Variants in COL23A1 observed in about 807,000 individuals in gnomAD.
COL23A1 encodes collagen alpha-1(XXIII) chain.
COL23A1 carries 97 observed loss-of-function variants against 99.3 expected under a neutral mutation model. The observed-to-expected ratio is 0.98, with a 90% confidence interval of 0.83 to 1.16. COL23A1 has a LOEUF of 1.16. COL23A1 is among the 50% of genes most tolerant of loss of function. The pLI is 0.00. For synonymous variants in COL23A1, 320 were observed against 308.2 expected (o/e 1.04, Z -0.40); for missense variants, 762 against 757.4 (o/e 1.01, Z -0.07).
chr5:178,334,410 G>A (rs35865625), intron 2 of COL23A1, among the ~76,000 whole-genome samples: 72,377 of 152,142 alleles, frequency 0.48, 18,125 homozygotes, highest in East Asian at 0.81. Flanking sequence ...GCAGGAAGGG[G>A]GCCACCGGGC....
At chr5:178,345,982 G>A (rs1760946824) in intron 2 of COL23A1, among the ~76,000 whole-genome samples, 2 of 152,022 alleles carry the variant, frequency 1.3e-5, no homozygotes, top group African/African-American at 4.8e-5. Context: ...TTTTCATCCT[G>A]TTAGGACTCA....
intron 3 of COL23A1, among the ~76,000 whole-genome samples, chr5:178,291,304 G>A (rs1036917338): frequency 2.0e-5 from 3 of 152,198 alleles, no homozygotes; most frequent in African/African-American, 4.8e-5. Context: ...GGTAACTAAC[G>A]GGACCAGTAG....
intron 2 of COL23A1, among the ~76,000 whole-genome samples, chr5:178,517,940 A>G (rs1245621906): frequency 8.5e-6 from 1 of 117,472 alleles, no homozygotes; most frequent in Admixed American, 9.0e-5. Context: ...GGTGTTTCTC[A>G]CAGAGGGGGA....
intron 2 of COL23A1, among the ~76,000 whole-genome samples, chr5:178,349,660 G>C (rs1479474221): frequency 6.6e-6 from 1 of 151,870 alleles, no homozygotes; most frequent in African/African-American, 2.4e-5. Context: ...TGTCTCCCTT[G>C]GGGGGAGCCC....
At chr5:178,424,542 G>A (rs1326837188) in intron 2 of COL23A1, among the ~76,000 whole-genome samples, 1 of 152,226 alleles carries the variant, frequency 6.6e-6, no homozygotes, top group African/African-American at 2.4e-5. Context: ...GCTGAACAAA[G>A]AGGGAGGCAG....
At chr5:178,517,891 T>A (rs1759637001) in intron 2 of COL23A1, among the ~76,000 whole-genome samples, 8 of 126,634 alleles carry the variant, frequency 6.3e-5, no homozygotes, top group Non-Finnish European at 1.2e-4. Context: ...TTTTTTTTTT[T>A]TTTTTTTTTT....
At chr5:178,351,746 C>G (rs1356592463) in intron 2 of COL23A1, among the ~76,000 whole-genome samples, 1 of 149,998 alleles carries the variant, frequency 6.7e-6, no homozygotes, top group Non-Finnish European at 1.5e-5. Flanking sequence ...ACTAATTGTG[C>G]CCCCCCAGTT....
At chr5:178,371,936 T>C (rs1028040682) in intron 2 of COL23A1, among the ~76,000 whole-genome samples, 9 of 152,224 alleles carry the variant, frequency 5.9e-5, no homozygotes, top group Non-Finnish European at 1.3e-4. Flanking sequence ...AAGAAGGATT[T>C]TAGAAAAGAA....
chr5:178,516,132 C>A (rs1759496060), intron 2 of COL23A1, among the ~76,000 whole-genome samples: 2 of 152,248 alleles, frequency 1.3e-5, no homozygotes, highest in African/African-American at 2.4e-5. Context: ...TCCTCGTCCT[C>A]ATTTCCACCA....
Position 178,345,692 on chromosome 5 carries a change from A to ATT in COL23A1, c.362-38775_362-38774dup, listed in dbSNP as rs760731290. ...CCACCACGCCCGGCTAATTTTTTGTATTTTTTTTTTTTTCAGTAGAGACAG... is the reference window on the plus strand; with the variant it reads ...CCACCACGCCCGGCTAATTTTTTGTATTTTTTTTTTTTTTTCAGTAGAGACAG... On this transcript the variant is annotated intron_variant, in intron 2 of 28. Transcript: ENST00000390654. Among the ~76,000 whole-genome samples, 813 of 133,680 alleles carry ATT rather than the reference A, an allele frequency of 6.1e-3. 4 individuals are homozygous for ATT. Among genetic ancestry groups the ATT allele is most frequent in the African/African-American group, 0.021 (778 of 36,248 alleles). The allele number at this position is 133,680 out of a possible 152,430, so 87.7% of individuals were successfully genotyped here. A position where few individuals can be genotyped will look rare whatever the true frequency, so the allele number is the denominator to read the frequency against.
At chr5:178,528,339 C>G (rs1038168095) in intron 2 of COL23A1, among the ~76,000 whole-genome samples, 3 of 152,194 alleles carry the variant, frequency 2.0e-5, no homozygotes, top group South Asian at 2.1e-4. Context: ...TCCGCTGCCC[C>G]CTTTTCTGCT....
chr5:178,452,621 T>C (rs7725796), intron 2 of COL23A1, among the ~76,000 whole-genome samples: 69,883 of 151,908 alleles, frequency 0.46, 18,271 homozygotes, highest in African/African-American at 0.72. Context: ...ACATAAGGAG[T>C]GCCGACAAAT....
chr5:178,561,344 G>A (rs1046813915), intron 1 of COL23A1, among the ~76,000 whole-genome samples: 1 of 152,164 alleles, frequency 6.6e-6, no homozygotes, highest in Non-Finnish European at 1.5e-5. Flanking sequence ...ATTTGGTTCG[G>A]TAAAATTTAA....
At chr5:178,570,074 GC>G (rs1386951219) in intron 1 of COL23A1, among the ~76,000 whole-genome samples, 2 of 151,602 alleles carry the variant, frequency 1.3e-5, no homozygotes, top group Non-Finnish European at 2.9e-5. Flanking sequence ...TTAGAACTCT[GC>G]CTGTCAGAGT....
intron 2 of COL23A1, among the ~76,000 whole-genome samples, chr5:178,343,179 G>A (rs1360038941): frequency 6.6e-6 from 1 of 152,204 alleles, no homozygotes; most frequent in Non-Finnish European, 1.5e-5. Context: ...CTCAGGACCA[G>A]CACATGGTTC....
At chr5:178,397,033 C>T (rs886314104) in intron 2 of COL23A1, among the ~76,000 whole-genome samples, 6 of 152,164 alleles carry the variant, frequency 3.9e-5, no homozygotes, top group East Asian at 3.9e-4. Flanking sequence ...GTCCCCTCTG[C>T]GTGTCAGGAA....
chr5:178,320,115 T>C (rs1466697137), intron 2 of COL23A1, among the ~76,000 whole-genome samples: 1 of 152,254 alleles, frequency 6.6e-6, no homozygotes, highest in Admixed American at 6.5e-5. Flanking sequence ...TTGTCACATT[T>C]TCCTCTTTTA....
At chr5:178,278,845 C>T (rs1172184700) in intron 5 of COL23A1, among the ~76,000 whole-genome samples, 1 of 152,194 alleles carries the variant, frequency 6.6e-6, no homozygotes, top group East Asian at 1.9e-4. Flanking sequence ...TGGATCTGGG[C>T]TCACAGCAGG....
intron 2 of COL23A1, among the ~76,000 whole-genome samples, chr5:178,383,437 C>T (rs951729855): frequency 1.3e-5 from 2 of 152,238 alleles, no homozygotes; most frequent in African/African-American, 4.8e-5. Flanking sequence ...GCTTGTTCCC[C>T]AGTCATGGCC....
Sources: allele counts gnomAD v4.1 joint callset (sites outside exome capture counted in the v4.1 genomes callset), GRCh38; gene constraint gnomAD v4.1.1; transcripts MANE v1.5; gene names NCBI Gene and HGNC (gene_info 2026-07-23, HGNC 2026-07-21).